The following SUSD5 variants were observed in gnomAD, a reference collection of about 807,000 sequenced individuals.
SUSD5 encodes the protein sushi domain-containing protein 5.
A neutral mutation model predicts 29.5 loss-of-function variants in SUSD5; 33 were observed. The observed-to-expected ratio is 1.12, with a 90% CI of 0.85 to 1.49. The LOEUF is 1.49. SUSD5 is among the 40% of genes most tolerant of loss of function. The pLI, the probability that SUSD5 is intolerant of heterozygous loss-of-function variation, is 0.00. For missense variants in SUSD5, 776 were observed against 800.6 expected (o/e 0.97, Z 0.37); for synonymous variants, 308 against 325.3 (o/e 0.95, Z 0.57).
intron 3 of SUSD5, among the ~76,000 whole-genome samples, chr3:33,193,449 G>C (rs1174928536): frequency 6.6e-6 from 1 of 152,136 alleles, no homozygotes; most frequent in Non-Finnish European, 1.5e-5. Flanking sequence ...GGTGTTAGGG[G>C]TGAGATGAGG....
chr3:33,167,341 G>A lies in SUSD5; in HGVS notation c.598+7545C>T, dbSNP rs760879456. ...TAGAGCAAGGATCTGGGAAAGGTCA[G>A]CTCACCCTGGCTGTGGCCTTGACCT... On this transcript the variant is annotated intron_variant, in intron 4 of 4. Transcript: ENST00000309558. The surrounding 1 kb of genome is among the most constrained non-coding windows in gnomAD (Gnocchi z 4.1). 2.6e-5 allele frequency among the ~76,000 whole-genome samples: 4 copies of A among 152,150 alleles called. No homozygotes were observed. Among genetic ancestry groups the A allele is most frequent in the Non-Finnish European group, 5.9e-5 (4 of 68,036 alleles).
At chr3:33,199,807 T>G (rs1054499652) in intron 3 of SUSD5, among the ~76,000 whole-genome samples, 1 of 152,196 alleles carries the variant, frequency 6.6e-6, no homozygotes, top group Non-Finnish European at 1.5e-5. Flanking sequence ...TCCTCCAAAC[T>G]TCATGTTGAA....
At chr3:33,192,312 C>T (rs1033347856) in intron 3 of SUSD5, among the ~76,000 whole-genome samples, 30 of 143,374 alleles carry the variant, frequency 2.1e-4, no homozygotes, top group Admixed American at 5.0e-4. Context: ...AGGCTGGTTT[C>T]GAACTCCTGA....
At chr3:33,195,088 G>A (rs537970032) in intron 3 of SUSD5, among the ~76,000 whole-genome samples, 7 of 152,046 alleles carry the variant, frequency 4.6e-5, no homozygotes, top group African/African-American at 9.7e-5. Flanking sequence ...CCAGCTACTC[G>A]GGAGGCTGAG....
At position 33,152,535 on chromosome 3, in the gene SUSD5, A is replaced by G. The variant is rs1389713315; in HGVS notation, c.*207T>C. Reference sequence around the variant, plus strand: ...TAGTCAATTCCAGGGCAGATGGTGGAGGAGACATTGACATGAGTGATGATG... The same window carrying G: ...TAGTCAATTCCAGGGCAGATGGTGGGGGAGACATTGACATGAGTGATGATG... On this transcript the variant is annotated 3_prime_UTR_variant, in exon 5 of 5. Transcript: ENST00000309558. 3.5e-6 allele frequency: 2 copies of G among 577,342 alleles called. No homozygotes were observed. Among genetic ancestry groups the G allele is most frequent in the Non-Finnish European group, 3.0e-6 (1 of 329,278 alleles). The allele number at this position is 577,342 out of a possible 1,614,324, so 35.8% of individuals were successfully genotyped here.
chr3:33,169,227 CT>C (rs998615395), intron 4 of SUSD5, among the ~76,000 whole-genome samples: 5 of 149,268 alleles, frequency 3.3e-5, no homozygotes, highest in South Asian at 2.1e-4. Context: ...TAAATTTATA[CT>C]TTTTTTTTTG....
chr3:33,205,138 G>A (rs75463783), intron 3 of SUSD5, among the ~76,000 whole-genome samples: 10,109 of 152,128 alleles, frequency 0.066, 479 homozygotes, highest in South Asian at 0.17. Context: ...TAAAAACAAG[G>A]ATATTCTCTT....
Position 33,150,857 on chromosome 3 carries a change from A to C in SUSD5, c.*1885T>G, listed in dbSNP as rs1025979980. 1 of 152,232 alleles carries C rather than the reference A, an allele frequency of 6.6e-6. No homozygotes were observed. Among genetic ancestry groups the C allele is most frequent in the Non-Finnish European group, 1.5e-5 (1 of 68,038 alleles). The allele number at this position is 152,232 out of a possible 1,614,324, so 9.4% of individuals were successfully genotyped here. ...GATCAGGATTTCCCTCTACCACACA[A>C]AAACACTTAGACTGCTATGGTGTCT... is the stretch of plus-strand genomic sequence containing the variant. On this transcript the variant is annotated 3_prime_UTR_variant, in exon 5 of 5. Transcript: ENST00000309558.
At chr3:33,184,046 T>C (rs146553020) in intron 3 of SUSD5, among the ~76,000 whole-genome samples, 81 of 148,866 alleles carry the variant, frequency 5.4e-4, no homozygotes, top group African/African-American at 1.9e-3. Flanking sequence ...TAAGCGATTC[T>C]CCTGCCTCAG....
intron 4 of SUSD5, among the ~76,000 whole-genome samples, chr3:33,158,576 G>A (rs2031105846): frequency 6.6e-6 from 1 of 152,122 alleles, no homozygotes; most frequent in Admixed American, 6.5e-5. Context: ...CATTCCACAT[G>A]TCTGACCAGT....
At chr3:33,186,515 C>G (rs2031782920) in intron 3 of SUSD5, among the ~76,000 whole-genome samples, 1 of 151,344 alleles carries the variant, frequency 6.6e-6, no homozygotes, top group Non-Finnish European at 1.5e-5. Context: ...CAACCTCCGC[C>G]TCCCCGGTTC....
intron 2 of SUSD5, 129 bp from the exon 3 acceptor site, chr3:33,208,055 T>C: frequency 1.5e-6 from 1 of 666,278 alleles, no homozygotes; most frequent in South Asian, 1.9e-5. Flanking sequence ...TCTGAAAGCA[T>C]AAATCTGGAC....
chr3:33,198,865 T>G (rs987408441), intron 3 of SUSD5, among the ~76,000 whole-genome samples: 2 of 152,010 alleles, frequency 1.3e-5, no homozygotes, highest in Non-Finnish European at 2.9e-5. Context: ...GAAAGAGAGT[T>G]AGGAAGAATC....
chr3:33,192,490 T>G (rs1014120659), intron 3 of SUSD5, among the ~76,000 whole-genome samples: 1 of 151,958 alleles, frequency 6.6e-6, no homozygotes, highest in African/African-American at 2.4e-5. Flanking sequence ...TCTTTTCCTT[T>G]CAATCTATAA....
In SUSD5 at chr3:33,188,036, GA is replaced by G. The variant is rs2031816413; in HGVS notation, c.410-12963del. The stretch of plus-strand genomic sequence containing the variant: ...ATATATCTATTATTTTTCCTTCCAA[GA>G]AAAGAAGATTTTATAAAAGATTCTG... On this transcript the variant is annotated intron_variant, in intron 3 of 4. Transcript: ENST00000309558. 2.0e-5 allele frequency among the ~76,000 whole-genome samples: 3 copies of G among 152,068 alleles called. No individual in the cohort carries two copies. The South Asian group carries it at 6.2e-4, about 32-fold the overall frequency.
intron 1 of SUSD5, among the ~76,000 whole-genome samples, chr3:33,216,740 G>A (rs1383598641): frequency 1.8e-4 from 27 of 152,114 alleles, no homozygotes; most frequent in Admixed American, 1.7e-3. Flanking sequence ...TACTTAAGCT[G>A]AGCATTTCTT....
rs539962262 is a variant in SUSD5 at position 33,215,499 on chromosome 3, C to A, written c.113-1394G>T. ...ACACTTATATAGTGTTTACTATGGA[C>A]TAGATGTTGTTCAAATTGCTTTACA... On this transcript the variant is annotated intron_variant, in intron 1 of 4. Coordinates refer to ENST00000309558, the MANE Select transcript of SUSD5 (RefSeq NM_015551.2). Among the ~76,000 whole-genome samples, 9 of 152,264 alleles carry A rather than the reference C, an allele frequency of 5.9e-5. No individual in the cohort carries two copies. In the South Asian group the frequency reaches 1.9e-3, roughly 32 times the overall value.
chr3:33,162,818 G>A (rs2031219594), intron 4 of SUSD5, among the ~76,000 whole-genome samples: 1 of 151,676 alleles, frequency 6.6e-6, no homozygotes, highest in Non-Finnish European at 1.5e-5. Context: ...AGGGCGTGGT[G>A]GCACATGCCT....
intron 2 of SUSD5, among the ~76,000 whole-genome samples, chr3:33,211,399 G>C (rs551676275): frequency 6.6e-5 from 10 of 152,304 alleles, no homozygotes; most frequent in South Asian, 6.2e-4. Context: ...TATAGTAACA[G>C]GATTATGAAA....
Sources: allele counts gnomAD v4.1 joint callset (sites outside exome capture counted in the v4.1 genomes callset), GRCh38; gene constraint gnomAD v4.1.1; non-coding constraint Gnocchi (gnomAD v3.1); transcripts MANE v1.5; gene names NCBI Gene and HGNC (gene_info 2026-07-23, HGNC 2026-07-21).